The following EP400 variants were observed in gnomAD, a reference collection of about 807,000 sequenced individuals.
EP400 encodes E1A binding protein p400, also known as E1A-binding protein p400.
EP400 carries 105 observed loss-of-function variants against 354.1 expected under a neutral mutation model. That is an observed-to-expected ratio of 0.30 (90% CI 0.25 to 0.35). The LOEUF (loss-of-function observed/expected upper bound fraction) is 0.35. EP400 is among the 10% of genes least tolerant of loss of function. The pLI is 1.00. For synonymous variants in EP400, 1,646 were observed against 1,716.9 expected, an observed-to-expected ratio of 0.96 and a Z score of 1.02; for missense variants, 3,280 against 4,121.0, an observed-to-expected ratio of 0.80 and a Z score of 5.59.
chr12:131,990,620 A>T lies in EP400; in HGVS notation c.2551-16A>T. On this transcript the variant is annotated splice_polypyrimidine_tract_variant and intron_variant, in intron 8 of 52. Transcript: ENST00000389561. This position sits in a 1 kb window ranked among gnomAD's most constrained non-coding sequence, Gnocchi z 4.2. ...TCCTTAGTAATGTGCTTATTCATTT[A>T]ATCCTTTGCATTTAGGTTGTGGAAA... 6.3e-7 allele frequency: 1 copy of T among 1,576,392 alleles called. No individual in the cohort carries two copies. The highest frequency in any genetic ancestry group is 8.7e-7 in the Non-Finnish European group (1 of 1,150,032).
At chr12:131,997,098 C>A (rs1893240182) in intron 12 of EP400, among the ~76,000 whole-genome samples, 1 of 151,948 alleles carries the variant, frequency 6.6e-6, no homozygotes, top group African/African-American at 2.4e-5. Context: ...TACAGTTGAC[C>A]CTTGAACAAT....
intron 2 of EP400, among the ~76,000 whole-genome samples, chr12:131,967,197 G>A (rs150499986): frequency 1.3e-3 from 191 of 148,640 alleles, no homozygotes; most frequent in Middle Eastern, 7.4e-3. Context: ...CCTGGCCAAC[G>A]TAGTGAAACC....
At chr12:132,023,755 CT>C in intron 23 of EP400, 21 bp from the exon 24 acceptor site, 2 of 1,609,734 alleles carry the variant, frequency 1.2e-6, no homozygotes, top group Non-Finnish European at 1.7e-6. Context: ...CTGAATTCAC[CT>C]TTTCCTCTAC....
chr12:131,976,096 G>A lies in EP400; in HGVS notation c.1336-3598G>A, dbSNP rs577416816. Among the ~76,000 whole-genome samples, 14 of 151,744 alleles carry A rather than the reference G, an allele frequency of 9.2e-5. No homozygotes were observed. In the East Asian group the frequency reaches 2.3e-3, roughly 25 times the overall value. On this transcript the variant is annotated intron_variant, in intron 2 of 52. Coordinates refer to ENST00000389561, the MANE Select transcript of EP400 (RefSeq NM_015409.5). Reference sequence around the variant, plus strand: ...TTTTCACTTCTAGTATCTCCATTTCGCTCTTTATTTTAATAGTTTCTGTTT... The same window carrying A: ...TTTTCACTTCTAGTATCTCCATTTCACTCTTTATTTTAATAGTTTCTGTTT...
At chr12:131,988,951 G>A (rs1892947967) in intron 7 of EP400, among the ~76,000 whole-genome samples, 1 of 152,244 alleles carries the variant, frequency 6.6e-6, no homozygotes, top group Admixed American at 6.5e-5. Context: ...GTGGGGTTCT[G>A]AGGGTCAAGG....
At chr12:132,019,711 C>T (rs1421248864) in intron 21 of EP400, among the ~76,000 whole-genome samples, 1 of 152,200 alleles carries the variant, frequency 6.6e-6, no homozygotes, top group Non-Finnish European at 1.5e-5. Context: ...TCACTCCCCT[C>T]AGCCCTTGTG....
chr12:132,062,811 C>T (rs961572269), intron 47 of EP400, 110 bp downstream of exon 47: 23 of 1,351,270 alleles, frequency 1.7e-5, no homozygotes, highest in Admixed American at 4.4e-5. Context: ...ATTTTGCAAA[C>T]GTCTAGCACT....
At chr12:131,992,645 A>G (rs1893078153) in intron 11 of EP400, among the ~76,000 whole-genome samples, 1 of 152,326 alleles carries the variant, frequency 6.6e-6, no homozygotes, top group East Asian at 1.9e-4. Context: ...GAGAACAGAT[A>G]CCTGAGCACT....
rs1486846188 is a variant in EP400 at position 131,994,810 on chromosome 12, G to C, written c.2738-57G>C. ...TTCGAAGCCTTATAGTGTGTAATGA[G>C]TAACAGACACTCAAGTGGTGTTGCC... On this transcript the variant is annotated intron_variant, in intron 11 of 52. Coordinates refer to ENST00000389561, the MANE Select transcript of EP400 (RefSeq NM_015409.5). The surrounding 1 kb of genome is among the most constrained non-coding windows in gnomAD (Gnocchi z 4.6). The C allele has an allele frequency of 6.8e-7, 1 of 1,479,086 alleles. No homozygotes were observed. Among genetic ancestry groups the C allele is most frequent in the Non-Finnish European group, 9.4e-7 (1 of 1,060,550 alleles). The allele number at this position is 1,479,086 out of a possible 1,614,324, so 91.6% of individuals were successfully genotyped here.
rs1050079377 is a variant in EP400, at chr12:132,075,060, T to C, written c.9022-1456T>C. Among the ~76,000 whole-genome samples, 1 of 152,174 alleles carries C rather than the reference T, an allele frequency of 6.6e-6. No homozygotes were observed. Among genetic ancestry groups the C allele is most frequent in the Non-Finnish European group, 1.5e-5 (1 of 68,026 alleles). On this transcript the variant is annotated intron_variant, in intron 51 of 52. Transcript: ENST00000389561. This position sits in a 1 kb window ranked among gnomAD's most constrained non-coding sequence, Gnocchi z 4.5. ...GTTACCCACCTGGCCTCTGAATCTG[T>C]GTCTCCTCCTCTCTCCTCCCCGGCA...
chr12:132,064,562 C>G, intron 47 of EP400, 106 bp from the exon 48 acceptor site: 1 of 1,449,070 alleles, frequency 6.9e-7, no homozygotes, highest in Non-Finnish European at 9.2e-7. Context: ...CAGGTGTCTG[C>G]TTTGGTATTT....
Position 132,054,777 on chromosome 12 carries a change from G to A in EP400, c.7729-197G>A, listed in dbSNP as rs1186624376. On this transcript the variant is annotated intron_variant, in intron 43 of 52. Coordinates refer to ENST00000389561, the MANE Select transcript of EP400 (RefSeq NM_015409.5). The surrounding 1 kb of genome is among the most constrained non-coding windows in gnomAD (Gnocchi z 4.0). ...GGGTCCCTGGGGTGGAGGGACAATG[G>A]GATAGGGGTGGAGGGACAGCAGGTA... is the stretch of plus-strand genomic sequence containing the variant. 9.2e-5 allele frequency among the ~76,000 whole-genome samples: 14 copies of A among 151,658 alleles called. No individual in the cohort carries two copies. Among genetic ancestry groups the A allele is most frequent in the Non-Finnish European group, 2.9e-5 (2 of 67,870 alleles).
chr12:132,023,907 G>A lies in EP400; in HGVS notation c.4821G>A (p.Arg1607=). 2 of 1,610,254 alleles carry A rather than the reference G, an allele frequency of 1.2e-6. No individual in the cohort carries two copies. Among genetic ancestry groups the A allele is most frequent in the Non-Finnish European group, 1.7e-6 (2 of 1,178,674 alleles). Residue 1607 remains arginine, a synonymous_variant, in exon 24 of 53, where the codon CGG becomes CGA. Coordinates refer to ENST00000389561, the MANE Select transcript of EP400 (RefSeq NM_015409.5). ...SKFTLSHSQL[R]QLTAGQPLQL... ...TCACCCTGTCACACAGCCAGCTCCG[G>A]CAGCTCACAGCGGGCCAGCCGCTGC...
intron 23 of EP400, 31 bp from the exon 24 acceptor site, chr12:132,023,746 T>G: frequency 6.2e-7 from 1 of 1,603,892 alleles, no homozygotes; most frequent in Non-Finnish European, 8.5e-7. Flanking sequence ...CAAAATGATC[T>G]GAATTCACCT....
chr12:132,032,008 C>G lies in EP400; in HGVS notation c.5810C>G (p.Thr1937Ser). The part of the protein sequence containing the change: ...DRRIFCAILS[T>S]HSRTTGINLV... ...CGGATTTTTTGTGCCATTCTCTCCA[C>G]TCACAGCCGTACCACAGGTATAAAC... The change falls in exon 30 of 53, where the codon ACT becomes AGT. Residue 1937 changes from threonine to serine, a missense_variant. By Grantham distance (58) the Thr-to-Ser change is moderately conservative. Coordinates refer to ENST00000389561, the MANE Select transcript of EP400 (RefSeq NM_015409.5). 20 of 1,614,112 alleles carry G rather than the reference C, an allele frequency of 1.2e-5. No individual in the cohort carries two copies. Among genetic ancestry groups the G allele is most frequent in the Non-Finnish European group, 1.7e-5 (20 of 1,179,968 alleles).
At chr12:132,046,744 C>T (rs1483748023) in intron 39 of EP400, among the ~76,000 whole-genome samples, 1 of 152,220 alleles carries the variant, frequency 6.6e-6, no homozygotes, top group African/African-American at 2.4e-5. Flanking sequence ...GCAGCTCCTT[C>T]TTGCTGCTTG....
intron 45 of EP400, among the ~76,000 whole-genome samples, chr12:132,057,695 T>C (rs568286281): frequency 2.1e-4 from 32 of 152,368 alleles, no homozygotes; most frequent in Admixed American, 1.8e-3. Context: ...CTTTTCTTTC[T>C]GCTTTGCAGT....
chr12:132,079,892 T>C lies in EP400; in HGVS notation c.*2219T>C, dbSNP rs895592710. On this transcript the variant is annotated 3_prime_UTR_variant, in exon 53 of 53. Coordinates refer to ENST00000389561, the MANE Select transcript of EP400 (RefSeq NM_015409.5). ...CCTGAGTTAAATTCATTTAGTCGTG[T>C]ACGTAAAAACTCTCCTTTTAGTGTG... 7.9e-5 allele frequency: 12 copies of C among 152,374 alleles called. No individual in the cohort carries two copies. Among genetic ancestry groups the C allele is most frequent in the Non-Finnish European group, 1.5e-4 (10 of 68,040 alleles). The allele number at this position is 152,374 out of a possible 1,614,324, so 9.4% of individuals were successfully genotyped here.
At chr12:132,048,650 G>A (rs1895193989) in intron 39 of EP400, among the ~76,000 whole-genome samples, 1 of 151,908 alleles carries the variant, frequency 6.6e-6, no homozygotes, top group Non-Finnish European at 1.5e-5. Context: ...AGCCTCCCGA[G>A]TAGCTGGGAT....
Sources: allele counts gnomAD v4.1 joint callset (sites outside exome capture counted in the v4.1 genomes callset), GRCh38; gene constraint gnomAD v4.1.1; non-coding constraint Gnocchi (gnomAD v3.1); transcripts MANE v1.5; gene names NCBI Gene and HGNC (gene_info 2026-07-23, HGNC 2026-07-21).